Variants in BCAS3 observed in about 807,000 individuals in gnomAD.
The protein encoded by BCAS3 is BCAS4/BCAS3 fusion.
A neutral mutation model predicts 116.1 loss-of-function variants in BCAS3; 53 were observed. The ratio of observed to expected loss-of-function variants is 0.46; its 90% CI spans 0.37 to 0.57. BCAS3 has a LOEUF of 0.57. Among genes scored for constraint, BCAS3 ranks in the 20% least tolerant of loss-of-function variants. The pLI is 0.00. For missense variants in BCAS3, 917 were observed against 1,165.4 expected, an observed-to-expected ratio of 0.79 and a Z score of 3.10; for synonymous variants, 391 against 408.2, an observed-to-expected ratio of 0.96 and a Z score of 0.51.
At chr17:61,173,530 G>A (rs2078976414) in intron 22 of BCAS3, among the ~76,000 whole-genome samples, 1 of 151,830 alleles carries the variant, frequency 6.6e-6, no homozygotes, top group Non-Finnish European at 1.5e-5. Context: ...AGTACTTAGA[G>A]GGAAATTTAT....
intron 9 of BCAS3, among the ~76,000 whole-genome samples, chr17:60,882,630 G>A (rs981098145): frequency 6.6e-6 from 1 of 151,158 alleles, no homozygotes; most frequent in Non-Finnish European, 1.5e-5. Flanking sequence ...AAGGTGTAAG[G>A]AAGGGATCCA....
At chr17:61,120,406 T>G (rs1432791053) in intron 22 of BCAS3, among the ~76,000 whole-genome samples, 2 of 152,120 alleles carry the variant, frequency 1.3e-5, no homozygotes, top group African/African-American at 2.4e-5. Context: ...TATCTTTCCT[T>G]TCCCTTAAAA....
At chr17:61,076,169 T>G (rs1158218884) in intron 20 of BCAS3, among the ~76,000 whole-genome samples, 1 of 152,194 alleles carries the variant, frequency 6.6e-6, no homozygotes, top group East Asian at 1.9e-4. Context: ...GGATTACAAA[T>G]GACTTCATTA....
Position 61,258,328 on chromosome 17 carries a change from T to C in BCAS3, c.2426-109999T>C, listed in dbSNP as rs2048943474. 6.6e-6 allele frequency among the ~76,000 whole-genome samples: 1 copy of C among 152,248 alleles called. No homozygotes were observed. Among genetic ancestry groups the C allele is most frequent in the Non-Finnish European group, 1.5e-5 (1 of 68,038 alleles). On this transcript the variant is annotated intron_variant, in intron 22 of 23. Coordinates refer to ENST00000407086, the MANE Select transcript of BCAS3 (RefSeq NM_017679.5). This position sits in a 1 kb window ranked among gnomAD's most constrained non-coding sequence, Gnocchi z 4.7. ...TTCATTGTGGAAAGGGGTTGTTACT[T>C]CGTGCCTTTAGATATCCACCATAAT...
chr17:60,885,894 A>T (rs1318424913), intron 9 of BCAS3, among the ~76,000 whole-genome samples: 1 of 146,460 alleles, frequency 6.8e-6, no homozygotes, highest in Non-Finnish European at 1.5e-5. Context: ...CCTTCATTTC[A>T]ATTTTGGTGA....
At chr17:61,382,517 C>T (rs1453601338) in intron 23 of BCAS3, among the ~76,000 whole-genome samples, 1 of 151,766 alleles carries the variant, frequency 6.6e-6, no homozygotes, top group Non-Finnish European at 1.5e-5. Context: ...CCACCTTGGC[C>T]TCCCAAAGTG....
At chr17:61,091,630 G>T (rs972770747) in intron 22 of BCAS3, among the ~76,000 whole-genome samples, 1 of 152,156 alleles carries the variant, frequency 6.6e-6, no homozygotes. Context: ...GACCCCACTT[G>T]GTCAACTAGT....
In BCAS3 at chr17:61,015,747, G is replaced by A; in HGVS notation, c.1487-4G>A. 1.9e-6 allele frequency: 3 copies of A among 1,613,646 alleles called. No individual in the cohort carries two copies. Among genetic ancestry groups the A allele is most frequent in the Non-Finnish European group, 2.5e-6 (3 of 1,179,736 alleles). On this transcript the variant is annotated splice_polypyrimidine_tract_variant and splice_region_variant and intron_variant, in intron 15 of 23. Transcript: ENST00000407086. ...GATGCTTTTCTTTATTTTTCTCTTTGTAGGGAAACTGAACAGCCAAGACTC... is the reference window on the plus strand; with the variant it reads ...GATGCTTTTCTTTATTTTTCTCTTTATAGGGAAACTGAACAGCCAAGACTC...
intron 7 of BCAS3, among the ~76,000 whole-genome samples, chr17:60,819,405 A>T (rs1270908410): frequency 6.6e-6 from 1 of 152,230 alleles, no homozygotes; most frequent in African/African-American, 2.4e-5. Flanking sequence ...AAACTATAAT[A>T]TTTAAACTAT....
chr17:60,710,139 G>A (rs895477555), intron 5 of BCAS3, among the ~76,000 whole-genome samples: 6 of 152,042 alleles, frequency 3.9e-5, no homozygotes, highest in Non-Finnish European at 7.4e-5. Flanking sequence ...CTTCTGTTGT[G>A]TGATTCTTTT....
rs2058669962 is a variant in BCAS3, at chr17:61,365,343, T to A, written c.2426-2984T>A. On this transcript the variant is annotated intron_variant, in intron 22 of 23. Transcript: ENST00000407086. This position sits in a 1 kb window ranked among gnomAD's most constrained non-coding sequence, Gnocchi z 4.6. ...AACATTGATTGATTGATTGACTGAT[T>A]GAGTGATTGACTGAGAGTCTCACTC... Among the ~76,000 whole-genome samples, 1 of 152,190 alleles carries A rather than the reference T, an allele frequency of 6.6e-6. No individual in the cohort carries two copies. The highest frequency in any genetic ancestry group is 2.4e-5 in the African/African-American group (1 of 41,448).
At chr17:60,902,044 A>G (rs73320657) in intron 10 of BCAS3, among the ~76,000 whole-genome samples, 13,898 of 152,256 alleles carry the variant, frequency 0.091, 2,125 homozygotes, top group African/African-American at 0.32. Context: ...ACAAATAAGG[A>G]TATGTCTTTT....
At chr17:60,930,341 A>G (rs2059580605) in intron 13 of BCAS3, among the ~76,000 whole-genome samples, 1 of 152,260 alleles carries the variant, frequency 6.6e-6, no homozygotes, top group Admixed American at 6.5e-5. Context: ...CAAACAAAAC[A>G]TGCCAAAAAG....
intron 22 of BCAS3, among the ~76,000 whole-genome samples, chr17:61,197,008 T>C (rs930391560): frequency 6.6e-6 from 1 of 152,246 alleles, no homozygotes; most frequent in Non-Finnish European, 1.5e-5. Flanking sequence ...GGGTTCATTT[T>C]TGTAATTTGA....
chr17:61,097,246 T>C lies in BCAS3; in HGVS notation c.2425+12682T>C, dbSNP rs532579553. Among the ~76,000 whole-genome samples, 2 of 152,192 alleles carry C rather than the reference T, an allele frequency of 1.3e-5. No homozygotes were observed. The highest frequency in any genetic ancestry group is 4.1e-4 in the South Asian group (2 of 4,822). On this transcript the variant is annotated intron_variant, in intron 22 of 23. Transcript: ENST00000407086. The surrounding 1 kb of genome is among the most constrained non-coding windows in gnomAD (Gnocchi z 4.0). ...CAGGCTGGAGTGCAGTGGCGCAATC[T>C]CGGCTCACTGCAAGCTCCACCTCCC...
At chr17:60,867,436 T>A (rs928104253) in intron 7 of BCAS3, among the ~76,000 whole-genome samples, 3 of 152,174 alleles carry the variant, frequency 2.0e-5, no homozygotes, top group Admixed American at 6.5e-5. Context: ...CATTTTATTC[T>A]TCTTGTGTAG....
intron 7 of BCAS3, among the ~76,000 whole-genome samples, chr17:60,823,492 A>G (rs909862243): frequency 6.6e-6 from 1 of 152,204 alleles, no homozygotes; most frequent in African/African-American, 2.4e-5. Context: ...TGAGCCCAGG[A>G]GTTCAAGGCT....
chr17:61,379,701 C>T lies in BCAS3; in HGVS notation c.2593+11207C>T, dbSNP rs946152331. On this transcript the variant is annotated intron_variant, in intron 23 of 23. Transcript: ENST00000407086. The surrounding 1 kb of genome is among the most constrained non-coding windows in gnomAD (Gnocchi z 5.5). ...GGCAAAATCCCCCAGCACCAGGCTT[C>T]GCAGCCCTCCCCTGTTACCCACATA... 1 of 152,310 alleles carries T rather than the reference C, an allele frequency of 6.6e-6. No homozygotes were observed. Among genetic ancestry groups the T allele is most frequent in the African/African-American group, 2.4e-5 (1 of 41,442 alleles). The allele number at this position is 152,310 out of a possible 1,614,324, so 9.4% of individuals were successfully genotyped here.
chr17:60,865,915 A>C (rs939787944), intron 7 of BCAS3, among the ~76,000 whole-genome samples: 1 of 152,072 alleles, frequency 6.6e-6, no homozygotes, highest in African/African-American at 2.4e-5. Flanking sequence ...AGAAATTCTA[A>C]TTATGGTTTG....
Sources: allele counts gnomAD v4.1 joint callset (sites outside exome capture counted in the v4.1 genomes callset), GRCh38; gene constraint gnomAD v4.1.1; non-coding constraint Gnocchi (gnomAD v3.1); transcripts MANE v1.5; gene names NCBI Gene and HGNC (gene_info 2026-07-23, HGNC 2026-07-21).